The following HFM1 variants were observed in gnomAD, a reference collection of about 807,000 sequenced individuals.
HFM1 encodes helicase for meiosis 1.
Under a neutral mutation model 192.1 loss-of-function variants are expected in HFM1, and 169 were observed. The observed-to-expected ratio is 0.88, with a 90% CI of 0.78 to 1.00. HFM1 has a LOEUF of 1.00. Ranked by LOEUF, HFM1 falls within the 50% of genes least tolerant of loss-of-function variation. The probability of loss-of-function intolerance (pLI) is 0.00; values close to 1 mark genes in which losing one functional copy is unlikely to be tolerated. For missense variants in HFM1, 1,661 were observed against 1,668.0 expected (o/e 1.00, Z 0.07); for synonymous variants, 525 against 537.8 (o/e 0.98, Z 0.33).
chr1:91,401,101 G>C lies in HFM1; in HGVS notation c.-19C>G. On this transcript the variant is annotated 5_prime_UTR_variant, in exon 2 of 39. Transcript: ENST00000370425. ...TCAGCATTGTTGAAAACTGGACTTT[G>C]TCATAAATCTACAAAATATGGAAAA... is the stretch of plus-strand genomic sequence containing the variant. 2.2e-6 allele frequency: 3 copies of C among 1,393,922 alleles called. No individual in the cohort carries two copies. The South Asian group carries it at 3.9e-5, about 18-fold the overall frequency. 86.3% of individuals were successfully genotyped at this position (1,393,922 alleles called of 1,614,324 possible).
At chr1:91,314,329 C>A (rs1650896829) in intron 28 of HFM1, among the ~76,000 whole-genome samples, 1 of 152,230 alleles carries the variant, frequency 6.6e-6, no homozygotes, top group South Asian at 2.1e-4. Flanking sequence ...TCATACCTCA[C>A]TGCAGCCACA....
intron 30 of HFM1, among the ~76,000 whole-genome samples, chr1:91,290,411 A>T (rs1314352557): frequency 6.6e-6 from 1 of 152,202 alleles, no homozygotes; most frequent in African/African-American, 2.4e-5. Context: ...CTAGTCTCTG[A>T]TAAAACAGAC....
At chr1:91,331,115 A>C (rs1653762956) in intron 20 of HFM1, among the ~76,000 whole-genome samples, 2 of 152,218 alleles carry the variant, frequency 1.3e-5, no homozygotes, top group Non-Finnish European at 2.9e-5. Flanking sequence ...ATAGTATTGG[A>C]AGTCCTAGCT....
intron 36 of HFM1, 60 bp from the exon 37 acceptor site, chr1:91,262,652 G>C: frequency 1.0e-6 from 1 of 972,444 alleles, no homozygotes. Context: ...ATTTTAATTT[G>C]GATCATAATG....
intron 30 of HFM1, among the ~76,000 whole-genome samples, chr1:91,288,259 G>A (rs1183504101): frequency 1.3e-5 from 2 of 151,904 alleles, no homozygotes; most frequent in Non-Finnish European, 2.9e-5. Flanking sequence ...AGGGCAGCCA[G>A]AGAGAAAGGT....
intron 13 of HFM1, among the ~76,000 whole-genome samples, chr1:91,372,818 A>C (rs1329290363): frequency 2.0e-5 from 3 of 152,196 alleles, no homozygotes; most frequent in Non-Finnish European, 4.4e-5. Flanking sequence ...TGGTATTCTT[A>C]TTAGCAATAA....
chr1:91,361,895 A>C (rs768983258), intron 13 of HFM1, among the ~76,000 whole-genome samples: 20 of 152,238 alleles, frequency 1.3e-4, no homozygotes, highest in Non-Finnish European at 2.1e-4. Context: ...AGGTTGGTTC[A>C]ATGTACACAA....
intron 19 of HFM1, among the ~76,000 whole-genome samples, chr1:91,344,293 G>C (rs1445457807): frequency 6.6e-6 from 1 of 152,110 alleles, no homozygotes; most frequent in Non-Finnish European, 1.5e-5. Flanking sequence ...ATCCTAAATA[G>C]AGCAGCCACT....
intron 30 of HFM1, among the ~76,000 whole-genome samples, chr1:91,281,779 T>C (rs1667483070): frequency 1.3e-5 from 2 of 152,260 alleles, no homozygotes; most frequent in Admixed American, 1.3e-4. Context: ...CAGGCTGGAG[T>C]GCAGGTGTGA....
At chr1:91,313,321 T>C in intron 30 of HFM1, 28 bp downstream of exon 30, 1 of 1,393,784 alleles carries the variant, frequency 7.2e-7, no homozygotes, top group Non-Finnish European at 1.0e-6. Flanking sequence ...TGCTTTAATA[T>C]AAAATAGGAA....
chr1:91,387,324 C>T (rs1417136352), intron 4 of HFM1, among the ~76,000 whole-genome samples: 3 of 152,006 alleles, frequency 2.0e-5, no homozygotes, highest in Non-Finnish European at 2.9e-5. Context: ...CAAAAAGCGA[C>T]GTCGCTATGA....
chr1:91,316,406 T>A lies in HFM1; in HGVS notation c.2883A>T (p.Ala961=). The change falls in exon 26 of 39, where the codon GCA becomes GCT. Residue 961 remains alanine, a synonymous_variant. Coordinates refer to ENST00000370425, the MANE Select transcript of HFM1 (RefSeq NM_001017975.6). ...TSFKKIEETD[A]RELELILNRH... Reference sequence around the variant, plus strand: ...ATATAACTACCAATTCAAGTTCCCTTGCATCTGTCTCTTCTATTTTTTTAA... The same window carrying A: ...ATATAACTACCAATTCAAGTTCCCTAGCATCTGTCTCTTCTATTTTTTTAA... 3 of 1,568,068 alleles carry A rather than the reference T, an allele frequency of 1.9e-6. No homozygotes were observed. The highest frequency in any genetic ancestry group is 2.6e-6 in the Non-Finnish European group (3 of 1,147,888).
intron 35 of HFM1, among the ~76,000 whole-genome samples, chr1:91,267,424 G>T (rs1665867624): frequency 6.6e-6 from 1 of 152,016 alleles, no homozygotes; most frequent in Non-Finnish European, 1.5e-5. Flanking sequence ...TTAGAATGGA[G>T]AACAAAATAG....
At chr1:91,325,265 TC>T (rs1341528597) in intron 20 of HFM1, among the ~76,000 whole-genome samples, 2 of 152,136 alleles carry the variant, frequency 1.3e-5, no homozygotes, top group African/African-American at 2.4e-5. Context: ...ACTCTTCCAA[TC>T]CCTGGCTCTC....
intron 30 of HFM1, 131 bp from the exon 31 acceptor site, chr1:91,277,193 T>G (rs1666907107): frequency 2.0e-6 from 1 of 497,782 alleles, no homozygotes; most frequent in Admixed American, 3.8e-5. Flanking sequence ...CTTTCTCAAG[T>G]GTTTTGTAAT....
chr1:91,364,584 GT>G (rs1395593571), intron 13 of HFM1, among the ~76,000 whole-genome samples: 1 of 139,750 alleles, frequency 7.2e-6, no homozygotes, highest in Non-Finnish European at 1.5e-5. Flanking sequence ...GTATCTGTGT[GT>G]GTATATATAC....
intron 13 of HFM1, among the ~76,000 whole-genome samples, chr1:91,365,359 C>T (rs1424435356): frequency 1.3e-5 from 2 of 151,714 alleles, no homozygotes; most frequent in Admixed American, 6.6e-5. Context: ...GTAGATTTAG[C>T]TGCTCTTGTC....
At chr1:91,331,271 A>G (rs1396781178) in intron 20 of HFM1, among the ~76,000 whole-genome samples, 2 of 152,262 alleles carry the variant, frequency 1.3e-5, no homozygotes, top group Non-Finnish European at 2.9e-5. Context: ...TAAATTCAGT[A>G]ATGTTGCAGG....
At chr1:91,274,868 A>G (rs1258499165) in intron 32 of HFM1, 59 bp from the exon 33 acceptor site, 9 of 812,638 alleles carry the variant, frequency 1.1e-5, no homozygotes, top group Non-Finnish European at 1.8e-5. Context: ...CTTGTAACAC[A>G]TGAGCCAAAC....
Sources: gnomAD v4.1 joint callset for allele counts (sites outside exome capture counted in the v4.1 genomes callset) on GRCh38, gnomAD v4.1.1 for gene constraint, MANE v1.5 for transcripts, NCBI Gene and HGNC (gene_info 2026-07-23, HGNC 2026-07-21) for gene names.